UBALD1: variants seen among roughly 807,000 people sequenced by gnomAD.
UBALD1 encodes the protein UBA-like domain-containing protein 1.
UBALD1 carries 5 observed loss-of-function variants against 16.1 expected under a neutral mutation model. The ratio of observed to expected loss-of-function variants is 0.31; its 90% CI spans 0.16 to 0.66. The LOEUF is 0.66. UBALD1 is among the 30% of genes least tolerant of loss of function. The probability of loss-of-function intolerance (pLI) is 0.77; values close to 1 mark genes in which losing one functional copy is unlikely to be tolerated. For synonymous variants in UBALD1, 146 were observed against 105.3 expected (o/e 1.39, Z -2.37); for missense variants, 220 against 252.8 (o/e 0.87, Z 0.88).
rs953566719 is a variant in UBALD1 at position 4,610,108 on chromosome 16, C to T, written c.184-125G>A. 60 of 837,298 alleles carry T rather than the reference C, an allele frequency of 7.2e-5. No individual in the cohort carries two copies. In the African/African-American group the frequency reaches 8.7e-4, roughly 12 times the overall value. The allele number at this position is 837,298 out of a possible 1,614,324, so 51.9% of individuals were successfully genotyped here. A position where few individuals can be genotyped will look rare whatever the true frequency, so the allele number is the denominator to read the frequency against. Reference sequence around the variant, plus strand: ...GCTCTGTGTTCCTTCCCCAGATCCCCAAGCCTGTCCGCCGCCCAGGGGTTC... The same window carrying T: ...GCTCTGTGTTCCTTCCCCAGATCCCTAAGCCTGTCCGCCGCCCAGGGGTTC... On this transcript the variant is annotated intron_variant, in intron 2 of 2. Transcript: ENST00000283474.
chr16:4,610,250 G>A (rs756174878), intron 2 of UBALD1: 6 of 712,712 alleles, frequency 8.4e-6, no homozygotes, highest in South Asian at 4.4e-5. Flanking sequence ...ATCCCCGGGG[G>A]CTGTAGGGTA....
At position 4,609,766 on chromosome 16, in the gene UBALD1, G is replaced by A; in HGVS notation, c.401C>T (p.Pro134Leu). 6.6e-7 allele frequency: 1 copy of A among 1,506,016 alleles called. No homozygotes were observed. The highest frequency in any genetic ancestry group is 8.8e-7 in the Non-Finnish European group (1 of 1,131,056). 93.3% of individuals were successfully genotyped at this position (1,506,016 alleles called of 1,614,324 possible). A position where few individuals can be genotyped will look rare whatever the true frequency, so the allele number is the denominator to read the frequency against. The change falls in exon 3 of 3, where the codon CCA becomes CTA. Residue 134 changes from proline (P) to leucine (L), a missense_variant. By Grantham distance (98) the Pro-to-Leu change is moderately conservative. This residue lies in a region of UBALD1 where 151 missense variants were observed against 132.6 expected (regional missense o/e 1.14). Coordinates refer to ENST00000283474, the MANE Select transcript of UBALD1 (RefSeq NM_145253.3). ...GGGCGGCTGTGGCTGGTGGTGCTGT[G>A]GGCCCCCCGGGGGCGAGGCCGCCGT... ...WPTAASPPGGPQHHQPQPPLW... is the reference protein window; with the variant it reads ...WPTAASPPGGLQHHQPQPPLW...
intron 1 of UBALD1, 175 bp from the exon 2 acceptor site, chr16:4,610,730 T>C (rs1013223738): frequency 1.4e-4 from 90 of 666,270 alleles, no homozygotes; most frequent in Admixed American, 2.7e-4. Flanking sequence ...CTCACTGCTG[T>C]CTAAGGAGGA....
Position 4,614,869 on chromosome 16 carries a change from G to C in UBALD1, c.-72C>G, listed in dbSNP as rs1157306505. Reference sequence around the variant, plus strand: ...TCCGCCTCACGCGTCCACCATTAGCGAGCCGGCTCCGGCTAATACAAATAT... The same window carrying C: ...TCCGCCTCACGCGTCCACCATTAGCCAGCCGGCTCCGGCTAATACAAATAT... On this transcript the variant is annotated 5_prime_UTR_variant, in exon 1 of 3. Coordinates refer to ENST00000283474, the MANE Select transcript of UBALD1 (RefSeq NM_145253.3). 10 of 1,372,496 alleles carry C rather than the reference G, an allele frequency of 7.3e-6. No homozygotes were observed. Among genetic ancestry groups the C allele is most frequent in the South Asian group, 1.6e-5 (1 of 60,696 alleles). 85.0% of individuals were successfully genotyped at this position (1,372,496 alleles called of 1,614,324 possible).
chr16:4,609,883 C>T lies in UBALD1; in HGVS notation c.284G>A (p.Gly95Asp). The T allele has an allele frequency of 6.4e-7, 1 of 1,556,578 alleles. No individual in the cohort carries two copies. The highest frequency in any genetic ancestry group is 8.7e-7 in the Non-Finnish European group (1 of 1,150,974). The part of the protein sequence containing the change: ...LKASESFHSG[G>D]SGSPMAATAT... ...TGTCGCGGCCATCGGGCTGCCGCTG[C>T]CACCGCTGTGGAAGCTCTCGGAGGC... The change falls in exon 3 of 3, where the codon GGC (glycine) becomes GAC (aspartate). Residue 95 changes from glycine to aspartate, a missense_variant. Physicochemically the swap from Gly to Asp is moderately conservative, Grantham distance 94 (BLOSUM62 -1). Coordinates refer to ENST00000283474, the MANE Select transcript of UBALD1 (RefSeq NM_145253.3).
chr16:4,614,604 G>A, intron 1 of UBALD1, 74 bp downstream of exon 1: 6 of 1,284,208 alleles, frequency 4.7e-6, no homozygotes, highest in East Asian at 3.2e-5. Flanking sequence ...CACGCCGTCC[G>A]CCCCCGCCCG....
Position 4,610,510 on chromosome 16 carries a change from G to A in UBALD1, c.166C>T (p.His56Tyr), listed in dbSNP as rs748691530. The A allele has an allele frequency of 1.2e-6, 2 of 1,610,638 alleles. No individual in the cohort carries two copies. The highest frequency in any genetic ancestry group is 1.7e-6 in the Non-Finnish European group (2 of 1,178,350). Residue 56 changes from histidine (H) to tyrosine (Y), a missense_variant, in exon 2 of 3, where the codon CAC becomes TAC. Physicochemically the swap from His to Tyr is moderately conservative, Grantham distance 83. Coordinates refer to ENST00000283474, the MANE Select transcript of UBALD1 (RefSeq NM_145253.3). Reference protein sequence around the residue: ...FFQETNIPYSHHHHQMMCTPA... With the variant: ...FFQETNIPYSYHHHQMMCTPA... The stretch of plus-strand genomic sequence containing the variant: ...ACACTTACCATCTGGTGGTGATGGT[G>A]GCTGTAGGGGATGTTGGTCTCCTGG...
Position 4,609,780 on chromosome 16 carries a change from CGAGGCCGCCGTGGGCCAGCTG to C in UBALD1, c.366_386del (p.Ser123_Ser129del). On this transcript the variant is annotated inframe_deletion, in exon 3 of 3. Coordinates refer to ENST00000283474, the MANE Select transcript of UBALD1 (RefSeq NM_145253.3). ...GGTGGTGCTGTGGGCCCCCCGGGGGCGAGGCCGCCGTGGGCCAGCTGGAGGCCGCAGAGCTGCTGGTGGCGG... is the reference window on the plus strand; with the variant it reads ...GGTGGTGCTGTGGGCCCCCCGGGGGCGAGGCCGCAGAGCTGCTGGTGGCGG... 3 of 1,504,960 alleles carry C rather than the reference CGAGGCCGCCGTGGGCCAGCTG, an allele frequency of 2.0e-6. No homozygotes were observed. Among genetic ancestry groups the C allele is most frequent in the Non-Finnish European group, 2.7e-6 (3 of 1,130,432 alleles). 93.2% of individuals were successfully genotyped at this position (1,504,960 alleles called of 1,614,324 possible).
chr16:4,613,112 C>A lies in UBALD1; in HGVS notation c.120+1566G>T, dbSNP rs1596547670. Among the ~76,000 whole-genome samples the A allele has an allele frequency of 2.6e-5, 4 of 152,108 alleles. No individual in the cohort carries two copies. In the East Asian group the frequency reaches 7.7e-4, roughly 29 times the overall value. ...TGCCCAGCCCCAGGCAGCGAGGGAA[C>A]CCTGCGTGCAGATGTGTAACTGCCA... is the stretch of plus-strand genomic sequence containing the variant. On this transcript the variant is annotated intron_variant, in intron 1 of 2. Coordinates refer to ENST00000283474, the MANE Select transcript of UBALD1 (RefSeq NM_145253.3).
intron 1 of UBALD1, among the ~76,000 whole-genome samples, chr16:4,612,352 G>A (rs919730801): frequency 6.6e-6 from 1 of 151,998 alleles, no homozygotes; most frequent in African/African-American, 2.4e-5. Flanking sequence ...ATGAACCACC[G>A]TGCCCGGCAA....
intron 1 of UBALD1, 177 bp downstream of exon 1, chr16:4,614,501 G>C: frequency 3.6e-6 from 4 of 1,124,762 alleles, no homozygotes; most frequent in Non-Finnish European, 4.7e-6. Context: ...ACCTCCGCCC[G>C]CCGCGAGCCC....
intron 1 of UBALD1, chr16:4,614,088 G>C (rs573851730): frequency 6.0e-6 from 1 of 165,510 alleles, no homozygotes; most frequent in South Asian, 2.0e-4. Context: ...CCCGCCACAT[G>C]TGTACGCGTT....
intron 1 of UBALD1, 104 bp downstream of exon 1, chr16:4,614,574 G>T (rs1401464470): frequency 1.6e-6 from 2 of 1,277,846 alleles, no homozygotes; most frequent in African/African-American, 1.6e-5. Flanking sequence ...CCCGGAGGGG[G>T]CGCACAGCCG....
At chr16:4,614,331 C>T (rs1014493886) in intron 1 of UBALD1, 1 of 366,722 alleles carries the variant, frequency 2.7e-6, no homozygotes, top group African/African-American at 2.1e-5. Context: ...CCTGGGGCGT[C>T]CTCCTTCCGG....
intron 1 of UBALD1, chr16:4,614,100 A>C: frequency 5.9e-6 from 1 of 170,900 alleles, no homozygotes; most frequent in Non-Finnish European, 1.2e-5. Flanking sequence ...GTACGCGTTG[A>C]TCACACACCA....
chr16:4,614,418 G>A (rs1897397511), intron 1 of UBALD1: 1 of 447,276 alleles, frequency 2.2e-6, no homozygotes, highest in East Asian at 3.8e-5. Context: ...GGGTGGGGGG[G>A]GTCCCCGTCT....
intron 2 of UBALD1, 89 bp downstream of exon 2, chr16:4,610,404 C>T (rs1596546509): frequency 9.1e-6 from 13 of 1,426,824 alleles, no homozygotes; most frequent in East Asian, 4.7e-5. Flanking sequence ...CCAGCGCCCT[C>T]GTACACCGGG....
rs895892586 is a variant in UBALD1, at chr16:4,609,306, G to C, written c.*327C>G. On this transcript the variant is annotated 3_prime_UTR_variant, in exon 3 of 3. Transcript: ENST00000283474. Reference sequence around the variant, plus strand: ...CCAGGGATCAGCAATGTCTCTGCCAGGGTGGTCCTCCACGGCACCCCTGGG... The same window carrying C: ...CCAGGGATCAGCAATGTCTCTGCCACGGTGGTCCTCCACGGCACCCCTGGG... The C allele has an allele frequency of 7.6e-6, 2 of 262,278 alleles. No homozygotes were observed. The highest frequency in any genetic ancestry group is 2.2e-5 in the African/African-American group (1 of 45,298). 16.2% of individuals were successfully genotyped at this position (262,278 alleles called of 1,614,324 possible).
chr16:4,610,226 C>G (rs1388721740), intron 2 of UBALD1: 1 of 711,130 alleles, frequency 1.4e-6, no homozygotes, highest in Non-Finnish European at 2.5e-6. Flanking sequence ...CCACCCCTTT[C>G]CATCAGCCAC....
Sources: allele counts gnomAD v4.1 joint callset (sites outside exome capture counted in the v4.1 genomes callset), GRCh38; gene constraint gnomAD v4.1.1; regional missense constraint gnomAD v4.1.1; transcripts MANE v1.5; gene names NCBI Gene and HGNC (gene_info 2026-07-23, HGNC 2026-07-21).